Variants in MYOCD observed in about 807,000 individuals in gnomAD.
The protein encoded by MYOCD is myocardin.
MYOCD carries 32 observed loss-of-function variants against 96.1 expected under a neutral mutation model. The ratio of observed to expected loss-of-function variants is 0.33; its 90% CI spans 0.25 to 0.45. The LOEUF is 0.45. Ranked by LOEUF, MYOCD falls within the 20% of genes least tolerant of loss-of-function variation. The pLI, the probability that MYOCD is intolerant of heterozygous loss-of-function variation, is 1.00. For synonymous variants in MYOCD, 469 were observed against 469.0 expected (o/e 1.00, Z 0.00); for missense variants, 1,133 against 1,200.6 (o/e 0.94, Z 0.83).
At chr17:12,674,581 G>A (rs910828304) in intron 1 of MYOCD, among the ~76,000 whole-genome samples, 4 of 152,158 alleles carry the variant, frequency 2.6e-5, no homozygotes, top group South Asian at 4.1e-4. Context: ...GTTAGTACCA[G>A]AAGTAAAACA....
At chr17:12,670,824 T>G (rs962850478) in intron 1 of MYOCD, among the ~76,000 whole-genome samples, 2 of 152,230 alleles carry the variant, frequency 1.3e-5, no homozygotes, top group Middle Eastern at 3.2e-3. Context: ...AGAATACAAT[T>G]TAATGGACCT....
At chr17:12,685,744 G>T (rs1156970575) in intron 1 of MYOCD, among the ~76,000 whole-genome samples, 1 of 152,118 alleles carries the variant, frequency 6.6e-6, no homozygotes, top group Non-Finnish European at 1.5e-5. Flanking sequence ...TTAATAACAT[G>T]TTGCCTAACA....
chr17:12,729,220 A>C (rs569518430), intron 5 of MYOCD, among the ~76,000 whole-genome samples: 2 of 152,286 alleles, frequency 1.3e-5, no homozygotes, highest in Non-Finnish European at 2.9e-5. Flanking sequence ...AGAGTAAACC[A>C]CCCTTGGGGT....
At chr17:12,746,832 G>A (rs1407326385) in intron 9 of MYOCD, among the ~76,000 whole-genome samples, 1 of 149,048 alleles carries the variant, frequency 6.7e-6, no homozygotes, top group Non-Finnish European at 1.5e-5. Context: ...GGCTTCAAGC[G>A]ATTCTCCTGC....
chr17:12,763,265 C>A lies in MYOCD; in HGVS notation c.2582C>A (p.Ser861Tyr). 1 of 1,613,630 alleles carries A rather than the reference C, an allele frequency of 6.2e-7. No homozygotes were observed. The highest frequency in any genetic ancestry group is 8.5e-7 in the Non-Finnish European group (1 of 1,179,808). ...SDEHLEVLLN[S>Y]QSPLGKMSDV... ...GAGCATCTTGAAGTCTTATTAAATT[C>A]CCAGAGCCCCCTAGGAAAGATGAGT... The change falls in exon 14 of 14, where the codon TCC becomes TAC. Residue 861 changes from serine to tyrosine, a missense_variant. Physicochemically the swap from Ser to Tyr is moderately radical, Grantham distance 144. Transcript: ENST00000425538.
At chr17:12,725,124 A>T (rs887002291) in intron 5 of MYOCD, among the ~76,000 whole-genome samples, 4 of 151,920 alleles carry the variant, frequency 2.6e-5, no homozygotes, top group African/African-American at 9.7e-5. Context: ...AATTGCGCAC[A>T]TTTATTTTAT....
chr17:12,684,807 C>A (rs1339283985), intron 1 of MYOCD, among the ~76,000 whole-genome samples: 2 of 148,030 alleles, frequency 1.4e-5, no homozygotes. Context: ...GATCACGCCA[C>A]TGCACTCCAG....
chr17:12,762,154 T>G (rs148717212), intron 13 of MYOCD: 1 of 152,364 alleles, frequency 6.6e-6, no homozygotes, highest in African/African-American at 2.4e-5. Flanking sequence ...AATTTTTCTC[T>G]TGCAATGTTC....
intron 8 of MYOCD, 26 bp from the exon 9 acceptor site, chr17:12,745,893 G>T (rs780146827): frequency 1.2e-6 from 2 of 1,612,364 alleles, no homozygotes; most frequent in South Asian, 1.1e-5. Flanking sequence ...GATTGTACTT[G>T]AAATGCCTCT....
intron 9 of MYOCD, among the ~76,000 whole-genome samples, chr17:12,749,709 G>GTATATATATACACATATGTA (rs779103102): frequency 1.4e-5 from 2 of 139,220 alleles, no homozygotes; most frequent in Non-Finnish European, 3.0e-5. Flanking sequence ...ATACATATGT[G>GTATATATATACACATATGTA]TATATATATG....
Position 12,705,202 on chromosome 17 carries a change from C to A in MYOCD, c.121+9C>A. ...CCAAGGCATAATACCACGTGAGTAC[C>A]TGCATCTCTTAATTACTGATATACA... is the stretch of plus-strand genomic sequence containing the variant. On this transcript the variant is annotated intron_variant, in intron 2 of 13. Transcript: ENST00000425538. 6.2e-7 allele frequency: 1 copy of A among 1,603,504 alleles called. No homozygotes were observed. The highest frequency in any genetic ancestry group is 8.5e-7 in the Non-Finnish European group (1 of 1,170,612).
At chr17:12,756,144 G>A (rs2033005483) in intron 10 of MYOCD, among the ~76,000 whole-genome samples, 1 of 152,178 alleles carries the variant, frequency 6.6e-6, no homozygotes, top group Non-Finnish European at 1.5e-5. Context: ...GCTTGCAGAA[G>A]TAAATAGCAC....
intron 5 of MYOCD, among the ~76,000 whole-genome samples, chr17:12,727,255 T>G (rs770528074): frequency 1.3e-5 from 2 of 152,178 alleles, no homozygotes; most frequent in Non-Finnish European, 2.9e-5. Context: ...ACAGCAGTAA[T>G]GGGCAATTGA....
At chr17:12,706,051 G>A (rs2031278605) in intron 2 of MYOCD, 1 of 152,184 alleles carries the variant, frequency 6.6e-6, no homozygotes, top group African/African-American at 2.4e-5. Flanking sequence ...TAGAAAAAAT[G>A]TTGTGTAGTT....
At chr17:12,737,395 T>C (rs1316032987) in intron 6 of MYOCD, among the ~76,000 whole-genome samples, 2 of 152,202 alleles carry the variant, frequency 1.3e-5, no homozygotes, top group Non-Finnish European at 2.9e-5. Flanking sequence ...TCCAAGTAGG[T>C]ATCATCGAGG....
chr17:12,722,927 A>G lies in MYOCD; in HGVS notation c.334A>G (p.Ile112Val), dbSNP rs2031888220. The change falls in exon 5 of 14, where the codon ATT becomes GTT. Residue 112 changes from isoleucine to valine, a missense_variant. Ile to Val is a conservative substitution (Grantham distance 29). Transcript: ENST00000425538. ...ACTCGCCGATGATCTCAATGAAAAAATTGCTCTACGACCAGGGCCACTGGA... is the reference window on the plus strand; with the variant it reads ...ACTCGCCGATGATCTCAATGAAAAAGTTGCTCTACGACCAGGGCCACTGGA... ...ARLADDLNEK[I>V]ALRPGPLELV... The G allele has an allele frequency of 1.9e-6, 3 of 1,614,002 alleles. No individual in the cohort carries two copies. The highest frequency in any genetic ancestry group is 2.5e-6 in the Non-Finnish European group (3 of 1,180,004).
intron 9 of MYOCD, among the ~76,000 whole-genome samples, chr17:12,746,681 G>A (rs72635529): frequency 0.035 from 5,262 of 149,982 alleles, 219 homozygotes; most frequent in East Asian, 0.19. Flanking sequence ...GAGAGTTACG[G>A]TAATTAGTAT....
At chr17:12,695,239 G>A (rs1044145225) in intron 1 of MYOCD, among the ~76,000 whole-genome samples, 17 of 152,158 alleles carry the variant, frequency 1.1e-4, no homozygotes, top group African/African-American at 3.9e-4. Flanking sequence ...TGTCTGATGA[G>A]GGCCCCTTTC....
At chr17:12,705,078 A>G in intron 1 of MYOCD, 50 bp from the exon 2 acceptor site, 1 of 1,123,648 alleles carries the variant, frequency 8.9e-7, no homozygotes, top group African/African-American at 1.6e-5. Flanking sequence ...AAATATAATG[A>G]TTGTAATGAT....
Sources: allele counts gnomAD v4.1 joint callset (sites outside exome capture counted in the v4.1 genomes callset), GRCh38; gene constraint gnomAD v4.1.1; transcripts MANE v1.5; gene names NCBI Gene and HGNC (gene_info 2026-07-23, HGNC 2026-07-21).